Variants in TMA16 observed in about 807,000 individuals in gnomAD.
TMA16 encodes translation machinery associated 16 homolog.
TMA16 carries 26 observed loss-of-function variants against 27.1 expected under a neutral mutation model. That is an observed-to-expected ratio of 0.96 (90% confidence interval 0.70 to 1.33). TMA16 has a LOEUF of 1.33. Ranked by LOEUF, TMA16 falls within the 40% of genes most tolerant of loss-of-function variation. The pLI, the probability that TMA16 is intolerant of heterozygous loss-of-function variation, is 0.00. For missense variants in TMA16, 233 were observed against 241.4 expected (o/e 0.97, Z 0.23); for synonymous variants, 71 against 81.9 (o/e 0.87, Z 0.72).
In TMA16 at chr4:163,494,798, C is replaced by T. The variant is rs1490793557; in HGVS notation, c.-4C>T. The T allele has an allele frequency of 1.9e-6, 3 of 1,612,574 alleles. No homozygotes were observed. Among genetic ancestry groups the T allele is most frequent in the East Asian group, 2.2e-5 (1 of 44,874 alleles). Reference sequence around the variant, plus strand: ...AGCTGCTCCGTGGCCACGAGGACGTCACCATGGTGGGCCCCCTCCTGCTCC... The same window carrying T: ...AGCTGCTCCGTGGCCACGAGGACGTTACCATGGTGGGCCCCCTCCTGCTCC... On this transcript the variant is annotated 5_prime_UTR_variant, in exon 1 of 7. Transcript: ENST00000358572.
intron 2 of TMA16, among the ~76,000 whole-genome samples, chr4:163,509,951 A>G (rs1010334820): frequency 1.3e-5 from 2 of 152,190 alleles, no homozygotes; most frequent in African/African-American, 4.8e-5. Context: ...TTGAGAATTA[A>G]TCTTATTGAT....
At position 163,514,179 on chromosome 4, in the gene TMA16, G is replaced by A. The variant is rs373355507; in HGVS notation, c.239+21G>A. 3.8e-6 allele frequency: 6 copies of A among 1,572,330 alleles called. No homozygotes were observed. In the African/African-American group the frequency reaches 6.8e-5, roughly 18 times the overall value. ...GAAAGGTAAACACTGGGCATATTATGAGCAAAGGGTCAGAAAAGGGAATTG... is the reference window on the plus strand; with the variant it reads ...GAAAGGTAAACACTGGGCATATTATAAGCAAAGGGTCAGAAAAGGGAATTG... On this transcript the variant is annotated intron_variant, in intron 4 of 6. Coordinates refer to ENST00000358572, the MANE Select transcript of TMA16 (RefSeq NM_018352.3).
chr4:163,502,750 A>C (rs767613004), intron 1 of TMA16, among the ~76,000 whole-genome samples: 3 of 152,210 alleles, frequency 2.0e-5, no homozygotes, highest in Non-Finnish European at 4.4e-5. Flanking sequence ...GTGTTAAGGA[A>C]GGAAGATGCA....
chr4:163,498,428 C>T (rs1043474741), intron 1 of TMA16, among the ~76,000 whole-genome samples: 15 of 151,776 alleles, frequency 9.9e-5, no homozygotes, highest in African/African-American at 3.6e-4. Context: ...GCTGGGACTA[C>T]AGGTGCCCGC....
intron 4 of TMA16, among the ~76,000 whole-genome samples, chr4:163,515,061 A>G (rs1737854247): frequency 6.6e-6 from 1 of 152,030 alleles, no homozygotes; most frequent in South Asian, 2.1e-4. Flanking sequence ...CCACTAGGGG[A>G]CATCCAGATT....
chr4:163,510,598 C>T (rs371274983), intron 2 of TMA16, among the ~76,000 whole-genome samples: 4 of 152,312 alleles, frequency 2.6e-5, no homozygotes, highest in East Asian at 1.9e-4. Context: ...ATTCCATCCT[C>T]AGGCAATTTA....
At chr4:163,513,630 G>A (rs1737829668) in intron 3 of TMA16, among the ~76,000 whole-genome samples, 1 of 152,160 alleles carries the variant, frequency 6.6e-6, no homozygotes, top group East Asian at 1.9e-4. Flanking sequence ...TCTACAAATG[G>A]GGGTAATAAT....
chr4:163,512,618 A>G, intron 2 of TMA16: 1 of 474,344 alleles, frequency 2.1e-6, no homozygotes. Context: ...GAGGTGCTTA[A>G]AGGAAGTTTC....
At chr4:163,496,841 A>G (rs564508961) in intron 1 of TMA16, among the ~76,000 whole-genome samples, 2 of 124,376 alleles carry the variant, frequency 1.6e-5, no homozygotes, top group Non-Finnish European at 3.6e-5. Context: ...CAAATGAGAC[A>G]GGGTTTCACC....
chr4:163,514,227 CAG>C, intron 4 of TMA16, 69 bp downstream of exon 4: 1 of 1,257,092 alleles, frequency 8.0e-7, no homozygotes, highest in Non-Finnish European at 1.1e-6. Flanking sequence ...CTTTAAGACA[CAG>C]AGCTCTGTTA....
In TMA16 at chr4:163,501,201, A is replaced by T. The variant is rs541885399; in HGVS notation, c.4-5832A>T. ...ATAGTTATATCTTTGTTTCATTATG[A>T]TCCCAAATATTCTGGTCTTTGATAG... On this transcript the variant is annotated intron_variant, in intron 1 of 6. Coordinates refer to ENST00000358572, the MANE Select transcript of TMA16 (RefSeq NM_018352.3). 7.2e-5 allele frequency among the ~76,000 whole-genome samples: 11 copies of T among 152,242 alleles called. 1 individual carries two copies. In the South Asian group the frequency reaches 2.3e-3, roughly 32 times the overall value.
At chr4:163,499,624 G>T (rs1433918578) in intron 1 of TMA16, among the ~76,000 whole-genome samples, 1 of 152,038 alleles carries the variant, frequency 6.6e-6, no homozygotes, top group Non-Finnish European at 1.5e-5. Flanking sequence ...TCGTTTTTGC[G>T]TGTAGCCTGT....
intron 6 of TMA16, among the ~76,000 whole-genome samples, chr4:163,518,888 G>A (rs1300656955): frequency 6.6e-6 from 1 of 152,076 alleles, no homozygotes; most frequent in Non-Finnish European, 1.5e-5. Flanking sequence ...AAAGAGATGA[G>A]TATAGCCTTC....
intron 1 of TMA16, among the ~76,000 whole-genome samples, chr4:163,497,325 T>C (rs1737572967): frequency 6.6e-6 from 1 of 152,230 alleles, no homozygotes; most frequent in Non-Finnish European, 1.5e-5. Flanking sequence ...ACCAATCTTT[T>C]TGAGACAATA....
intron 1 of TMA16, among the ~76,000 whole-genome samples, chr4:163,504,255 C>T (rs536961567): frequency 6.6e-6 from 1 of 152,292 alleles, no homozygotes; most frequent in Admixed American, 6.5e-5. Flanking sequence ...GATCAGATCT[C>T]TTTTCACAGG....
intron 5 of TMA16, 63 bp from the exon 6 acceptor site, chr4:163,517,371 G>A (rs12643109): frequency 0.46 from 638,526 of 1,389,782 alleles, 151,319 homozygotes; most frequent in Admixed American, 0.62. Context: ...ATTATTTGTT[G>A]TACATAAAAT....
chr4:163,517,549 AG>A, intron 6 of TMA16, 73 bp downstream of exon 6: 1 of 1,357,146 alleles, frequency 7.4e-7, no homozygotes, highest in South Asian at 1.3e-5. Flanking sequence ...TTCCCCTTTG[AG>A]TCTAGCCGGT....
Position 163,514,056 on chromosome 4 carries a change from G to A in TMA16, c.155-18G>A, listed in dbSNP as rs1176513262. 6.3e-6 allele frequency: 10 copies of A among 1,574,896 alleles called. No individual in the cohort carries two copies. The East Asian group carries it at 2.0e-4, about 32-fold the overall frequency. On this transcript the variant is annotated intron_variant, in intron 3 of 6. Coordinates refer to ENST00000358572, the MANE Select transcript of TMA16 (RefSeq NM_018352.3). ...GATGACTTGTGGGGTAAACTGTCTT[G>A]GTACTTGTTGTTTATAGGTGAAAAA...
At chr4:163,517,374 C>A in intron 5 of TMA16, 60 bp from the exon 6 acceptor site, 5 of 1,432,204 alleles carry the variant, frequency 3.5e-6, no homozygotes, top group Non-Finnish European at 4.9e-6. Context: ...ATTTGTTGTA[C>A]ATAAAATTAT....
Sources: allele counts gnomAD v4.1 joint callset (sites outside exome capture counted in the v4.1 genomes callset), GRCh38; gene constraint gnomAD v4.1.1; transcripts MANE v1.5; gene names NCBI Gene and HGNC (gene_info 2026-07-23, HGNC 2026-07-21).